The following ZBTB46 variants were observed in gnomAD, a reference collection of about 807,000 sequenced individuals.
The protein encoded by ZBTB46 is zinc finger and BTB domain containing 46.
Under a neutral mutation model 44.1 loss-of-function variants are expected in ZBTB46, and 8 were observed. The observed-to-expected ratio is 0.18, with a 90% CI of 0.11 to 0.33. The LOEUF (loss-of-function observed/expected upper bound fraction) is 0.33. Among genes scored for constraint, ZBTB46 ranks in the 10% least tolerant of loss-of-function variants. The probability of loss-of-function intolerance (pLI) is 1.00; values close to 1 mark genes in which losing one functional copy is unlikely to be tolerated. For synonymous variants in ZBTB46, 409 were observed against 382.3 expected, an observed-to-expected ratio of 1.07 and a Z score of -0.81; for missense variants, 651 against 847.7, an observed-to-expected ratio of 0.77 and a Z score of 2.88.
intron 2 of ZBTB46, among the ~76,000 whole-genome samples, chr20:63,782,010 C>T (rs557913474): frequency 4.7e-5 from 7 of 147,690 alleles, no homozygotes; most frequent in South Asian, 2.2e-4. Flanking sequence ...TGGCATGAAC[C>T]GGGGAGGCGG....
intron 3 of ZBTB46, among the ~76,000 whole-genome samples, chr20:63,762,139 A>C (rs2092282714): frequency 6.6e-6 from 1 of 152,236 alleles, no homozygotes; most frequent in South Asian, 2.1e-4. Context: ...ACTGAATCCA[A>C]TAATACAGAA....
chr20:63,774,283 C>A (rs1389303884), intron 3 of ZBTB46, among the ~76,000 whole-genome samples: 1 of 152,178 alleles, frequency 6.6e-6, no homozygotes, highest in Non-Finnish European at 1.5e-5. Context: ...CAGTTGGCAT[C>A]AGTGCTCACA....
At chr20:63,769,295 G>T (rs745311334) in intron 3 of ZBTB46, 35 of 985,470 alleles carry the variant, frequency 3.6e-5, no homozygotes, top group Non-Finnish European at 4.2e-5. Context: ...GGGTCTGGCG[G>T]TTCCCCAGAG....
intron 1 of ZBTB46, among the ~76,000 whole-genome samples, chr20:63,827,617 A>G (rs2092826685): frequency 6.7e-6 from 1 of 148,794 alleles, no homozygotes; most frequent in East Asian, 2.5e-4. Flanking sequence ...TCCGTCTCAA[A>G]AAAAAAAAAA....
At chr20:63,784,098 G>A (rs546588915) in intron 2 of ZBTB46, among the ~76,000 whole-genome samples, 1 of 152,304 alleles carries the variant, frequency 6.6e-6, no homozygotes, top group Non-Finnish European at 1.5e-5. Context: ...AACCTTCGTG[G>A]AGAGAAAGAG....
intron 1 of ZBTB46, among the ~76,000 whole-genome samples, chr20:63,799,473 G>A (rs940126249): frequency 6.6e-6 from 1 of 151,896 alleles, no homozygotes; most frequent in Admixed American, 6.6e-5. Flanking sequence ...CAGCCTCCCA[G>A]GGAAGCTGGG....
rs1555858192 is a variant in ZBTB46, at chr20:63,820,444, T to TATA, written c.-34+10652_-34+10653insTAT. On this transcript the variant is annotated intron_variant, in intron 1 of 4. Transcript: ENST00000245663. ...TTAAGAAGTATATTATATATATATA[T>TATA]TTTTTTTTTGAGACAGAGTTTTGCT... Among the ~76,000 whole-genome samples, 116 of 145,794 alleles carry TATA rather than the reference T, an allele frequency of 8.0e-4. 2 individuals carry two copies. In the South Asian group the frequency reaches 0.02, roughly 26 times the overall value.
chr20:63,785,986 A>G (rs962079231), intron 2 of ZBTB46, among the ~76,000 whole-genome samples: 1 of 152,356 alleles, frequency 6.6e-6, no homozygotes, highest in Middle Eastern at 3.4e-3. Flanking sequence ...TAAGGAGTGC[A>G]CTATTTCTCA....
chr20:63,756,362 T>A (rs2092220318), intron 3 of ZBTB46, among the ~76,000 whole-genome samples: 1 of 152,238 alleles, frequency 6.6e-6, no homozygotes, highest in Admixed American at 6.5e-5. Flanking sequence ...GGTTCAAGTT[T>A]GCTGCTTCCT....
intron 2 of ZBTB46, among the ~76,000 whole-genome samples, chr20:63,785,172 C>T (rs1355377264): frequency 4.5e-5 from 6 of 133,716 alleles, no homozygotes; most frequent in Non-Finnish European, 7.7e-5. Flanking sequence ...GTGGAGGTTG[C>T]GGTGAGCTGA....
intron 1 of ZBTB46, among the ~76,000 whole-genome samples, chr20:63,829,175 C>T (rs2092835138): frequency 6.6e-6 from 1 of 152,216 alleles, no homozygotes; most frequent in Admixed American, 6.5e-5. Flanking sequence ...ACGCAGGGCA[C>T]TGGGTCAGCC....
chr20:63,809,961 CA>C (rs61473496), intron 1 of ZBTB46, among the ~76,000 whole-genome samples: 323 of 135,650 alleles, frequency 2.4e-3, no homozygotes, highest in Non-Finnish European at 2.3e-3. Context: ...GGCCCTCTCT[CA>C]AAAAAAAAAA....
At chr20:63,804,062 C>G (rs1239892000) in intron 1 of ZBTB46, among the ~76,000 whole-genome samples, 1 of 152,146 alleles carries the variant, frequency 6.6e-6, no homozygotes, top group African/African-American at 2.4e-5. Context: ...TTTCCAAACA[C>G]CTCTCACTGC....
At position 63,790,689 on chromosome 20, in the gene ZBTB46, C is replaced by T. The variant is rs1300599840; in HGVS notation, c.69G>A (p.Glu23=). 7.4e-6 allele frequency: 12 copies of T among 1,611,694 alleles called. No individual in the cohort carries two copies. Among genetic ancestry groups the T allele is most frequent in the Admixed American group, 1.7e-5 (1 of 60,018 alleles). The part of the protein sequence containing the change: ...HYRHLLRELN[E]QRQHGVLCDV... ...CGCACAGGACGCCGTGCTGCCTCTGCTCGTTGAGCTCCCGCAGCAGGTGCC... is the reference window on the plus strand; with the variant it reads ...CGCACAGGACGCCGTGCTGCCTCTGTTCGTTGAGCTCCCGCAGCAGGTGCC... The change falls in exon 2 of 5, where the codon GAG becomes GAA. Residue 23 remains glutamate (E), a synonymous_variant. Transcript: ENST00000245663.
At chr20:63,801,164 G>T (rs943344712) in intron 1 of ZBTB46, among the ~76,000 whole-genome samples, 3 of 151,588 alleles carry the variant, frequency 2.0e-5, no homozygotes, top group African/African-American at 7.3e-5. Context: ...AGCTGATCCG[G>T]TGGGGACTTA....
chr20:63,818,218 G>A (rs1436575516), intron 1 of ZBTB46, among the ~76,000 whole-genome samples: 2 of 152,220 alleles, frequency 1.3e-5, no homozygotes, highest in Non-Finnish European at 2.9e-5. Flanking sequence ...CGCCATCCAC[G>A]CTGCCCCTGC....
At chr20:63,824,146 G>A (rs2092807936) in intron 1 of ZBTB46, among the ~76,000 whole-genome samples, 1 of 152,072 alleles carries the variant, frequency 6.6e-6, no homozygotes, top group Non-Finnish European at 1.5e-5. Flanking sequence ...CTTCGAGGTT[G>A]AGCAGCCGGC....
intron 1 of ZBTB46, among the ~76,000 whole-genome samples, chr20:63,827,905 ATTTG>A (rs1344754545): frequency 3.9e-5 from 6 of 152,146 alleles, no homozygotes; most frequent in African/African-American, 9.7e-5. Context: ...ACAATGTTTT[ATTTG>A]TTTATTTATT....
At chr20:63,750,338 T>C (rs1399754558) in intron 4 of ZBTB46, among the ~76,000 whole-genome samples, 1 of 151,802 alleles carries the variant, frequency 6.6e-6, no homozygotes, top group Non-Finnish European at 1.5e-5. Flanking sequence ...TGGACCTCAC[T>C]GGGCTCAGGT....
Sources: allele counts gnomAD v4.1 joint callset (sites outside exome capture counted in the v4.1 genomes callset), GRCh38; gene constraint gnomAD v4.1.1; transcripts MANE v1.5; gene names NCBI Gene and HGNC (gene_info 2026-07-23, HGNC 2026-07-21).